Variants in TAF5L observed in about 807,000 individuals in gnomAD.
The protein encoded by TAF5L is TAF5-like RNA polymerase II p300/CBP-associated factor-associated factor 65 kDa subunit 5L.
Under a neutral mutation model 51.3 loss-of-function variants are expected in TAF5L, and 7 were observed. That is an observed-to-expected ratio of 0.14 (90% CI 0.08 to 0.26). The LOEUF (loss-of-function observed/expected upper bound fraction) is 0.26, where lower values mean the gene tolerates loss of function less well. Ranked by LOEUF, TAF5L falls within the 10% of genes least tolerant of loss-of-function variation. The pLI, the probability that TAF5L is intolerant of heterozygous loss-of-function variation, is 1.00. For missense variants in TAF5L, 575 were observed against 758.9 expected, an observed-to-expected ratio of 0.76 and a Z score of 2.85; for synonymous variants, 291 against 308.1, an observed-to-expected ratio of 0.94 and a Z score of 0.58.
In TAF5L at chr1:229,625,723, C is replaced by A; in HGVS notation, c.-4+162G>T. On this transcript the variant is annotated intron_variant, in intron 1 of 4. Coordinates refer to ENST00000258281, the Ensembl canonical transcript of TAF5L. This position sits in a 1 kb window ranked among gnomAD's most constrained non-coding sequence, Gnocchi z 4.0. Reference sequence around the variant, plus strand: ...GCCGTCGCGCCCGCGCAGAGCCGCCCGCCGCCCCCCAGCCCCGCCTCCCGC... The same window carrying A: ...GCCGTCGCGCCCGCGCAGAGCCGCCAGCCGCCCCCCAGCCCCGCCTCCCGC... Among the ~76,000 whole-genome samples, 2 of 145,010 alleles carry A rather than the reference C, an allele frequency of 1.4e-5. No homozygotes were observed. Among genetic ancestry groups the A allele is most frequent in the South Asian group, 2.1e-4 (1 of 4,738 alleles).
chr1:229,622,092 C>G (rs1365399732), intron 1 of TAF5L, among the ~76,000 whole-genome samples: 1 of 151,748 alleles, frequency 6.6e-6, no homozygotes, highest in African/African-American at 2.4e-5. Flanking sequence ...TATAGATATA[C>G]AGATATGTGT....
chr1:229,623,669 T>C (rs984082730), intron 1 of TAF5L, among the ~76,000 whole-genome samples: 4 of 152,250 alleles, frequency 2.6e-5, no homozygotes, highest in African/African-American at 9.6e-5. Context: ...TACTTAACAC[T>C]GAGCATACTC....
At chr1:229,626,039 G>T (rs1037131532) in exon 1 of TAF5L, 3 of 151,038 alleles carry the variant, frequency 2.0e-5, no homozygotes, top group Non-Finnish European at 3.0e-5. Context: ...CGCCGCTCTG[G>T]GCGGCCGCTC....
At position 229,594,280 on chromosome 1, in the gene TAF5L, C is replaced by T. The variant is rs764202969; in HGVS notation, c.*17G>A. The stretch of plus-strand genomic sequence containing the variant: ...CTTTCCACTGTTACCCCAGTCCGTT[C>T]CAACAAAGTTAAAAAATTAATGTTC... On this transcript the variant is annotated 3_prime_UTR_variant, in exon 5 of 5. Transcript: ENST00000258281. The surrounding 1 kb of genome is among the most constrained non-coding windows in gnomAD (Gnocchi z 7.9). 1.3e-6 allele frequency: 2 copies of T among 1,596,548 alleles called. No homozygotes were observed. The highest frequency in any genetic ancestry group is 1.7e-5 in the Admixed American group (1 of 59,208).
At chr1:229,600,100 T>C (rs769446795) in intron 4 of TAF5L, 1 of 981,278 alleles carries the variant, frequency 1.0e-6, no homozygotes, top group Non-Finnish European at 1.2e-6. Context: ...GTTTTAATTA[T>C]GCATTCTATA....
chr1:229,622,099 G>A (rs1048921289), intron 1 of TAF5L, among the ~76,000 whole-genome samples: 3 of 151,908 alleles, frequency 2.0e-5, no homozygotes, highest in African/African-American at 7.3e-5. Flanking sequence ...ATACAGATAT[G>A]TGTGTGTATA....
chr1:229,618,367 C>T (rs569418721), intron 1 of TAF5L, among the ~76,000 whole-genome samples: 1 of 152,268 alleles, frequency 6.6e-6, no homozygotes, highest in South Asian at 2.1e-4. Context: ...ATACTCTGCT[C>T]TTCATATCAC....
intron 3 of TAF5L, chr1:229,607,293 T>TC: frequency 2.0e-6 from 2 of 985,382 alleles, no homozygotes; most frequent in Non-Finnish European, 2.4e-6. Flanking sequence ...TGGTCCTTTC[T>TC]CACCTCATTT....
intron 4 of TAF5L, chr1:229,599,767 CAT>C (rs1017099602): frequency 1.4e-4 from 131 of 960,694 alleles, no homozygotes; most frequent in Admixed American, 1.1e-3. Context: ...CCTGTGTGCA[CAT>C]GTTTTCCATT....
chr1:229,618,422 C>T (rs550284766), intron 1 of TAF5L, among the ~76,000 whole-genome samples: 2 of 151,986 alleles, frequency 1.3e-5, no homozygotes, highest in South Asian at 2.1e-4. Flanking sequence ...AGGATTTTGA[C>T]ACAATGTATA....
Position 229,625,087 on chromosome 1 carries a change from G to A in TAF5L, c.-4+798C>T, listed in dbSNP as rs1665386316. On this transcript the variant is annotated intron_variant, in intron 1 of 4. Transcript: ENST00000258281. The surrounding 1 kb of genome is among the most constrained non-coding windows in gnomAD (Gnocchi z 4.0). Reference sequence around the variant, plus strand: ...GATCCCAGAACCACAAAGACTGCGAGATCCGCATTACAACGACTTTCACAA... The same window carrying A: ...GATCCCAGAACCACAAAGACTGCGAAATCCGCATTACAACGACTTTCACAA... 6.6e-6 allele frequency among the ~76,000 whole-genome samples: 1 copy of A among 152,222 alleles called. No homozygotes were observed. The highest frequency in any genetic ancestry group is 1.5e-5 in the Non-Finnish European group (1 of 68,044).
At chr1:229,616,065 A>AT (rs1403729723) in intron 1 of TAF5L, among the ~76,000 whole-genome samples, 3 of 152,056 alleles carry the variant, frequency 2.0e-5, no homozygotes, top group Non-Finnish European at 4.4e-5. Flanking sequence ...CCCAGACTGG[A>AT]GTGCAATGGC....
At chr1:229,617,989 G>A (rs1232781342) in intron 1 of TAF5L, among the ~76,000 whole-genome samples, 1 of 152,090 alleles carries the variant, frequency 6.6e-6, no homozygotes, top group Non-Finnish European at 1.5e-5. Flanking sequence ...AAATACTAGA[G>A]ACACGACCCA....
At chr1:229,612,922 ACTG>A (rs1435060313) in intron 2 of TAF5L, among the ~76,000 whole-genome samples, 2 of 152,206 alleles carry the variant, frequency 1.3e-5, no homozygotes, top group African/African-American at 4.8e-5. Flanking sequence ...TGCAGAAATC[ACTG>A]CTAACTCCAC....
intron 1 of TAF5L, among the ~76,000 whole-genome samples, chr1:229,623,513 T>C (rs1320994983): frequency 6.6e-6 from 1 of 152,128 alleles, no homozygotes; most frequent in Non-Finnish European, 1.5e-5. Context: ...TTTGGCTAAA[T>C]CCCACCCGCA....
Position 229,614,256 on chromosome 1 carries a change from A to G in TAF5L, c.142+85T>C, listed in dbSNP as rs1558152368. 1.9e-6 allele frequency: 3 copies of G among 1,611,754 alleles called. No individual in the cohort carries two copies. In the African/African-American group the frequency reaches 4.0e-5, roughly 21 times the overall value. On this transcript the variant is annotated intron_variant, in intron 2 of 4. Transcript: ENST00000258281. Reference sequence around the variant, plus strand: ...GTCTGCTCTCTCTGGCACTGTCTTGAGAAGAGGAGAAGTAATTCCACATGG... The same window carrying G: ...GTCTGCTCTCTCTGGCACTGTCTTGGGAAGAGGAGAAGTAATTCCACATGG...
At chr1:229,613,329 C>CAAAAAAAAAAA (rs567436350) in intron 2 of TAF5L, among the ~76,000 whole-genome samples, 1 of 84,592 alleles carries the variant, frequency 1.2e-5, no homozygotes, top group Non-Finnish European at 2.4e-5. Context: ...GACTCTGTCT[C>CAAAAAAAAAAA]AAAAAAAAAA....
Position 229,594,747 on chromosome 1 carries a change from G to A in TAF5L, c.1320C>T (p.Tyr440=). ...TCTTGTCGGTTGAGCCCGTGGCCAA[G>A]TAGTTTGAATTAGGGTGGAATTTGA... The change falls in exon 5 of 5, where the codon TAC becomes TAT. Residue 440 remains tyrosine (Y), a synonymous_variant. Transcript: ENST00000258281. This position sits in a 1 kb window ranked among gnomAD's most constrained non-coding sequence, Gnocchi z 7.9. 6.2e-7 allele frequency: 1 copy of A among 1,614,210 alleles called. No homozygotes were observed. The highest frequency in any genetic ancestry group is 1.1e-5 in the South Asian group (1 of 91,090).
rs1558146824 is a variant in TAF5L, at chr1:229,602,598, A to G, written c.569T>C (p.Val190Ala). 6.2e-7 allele frequency: 1 copy of G among 1,614,202 alleles called. No individual in the cohort carries two copies. Among genetic ancestry groups the G allele is most frequent in the Non-Finnish European group, 8.5e-7 (1 of 1,180,028 alleles). Residue 190 changes from valine to alanine, a missense_variant, in exon 4 of 5, where the codon GTC (valine) becomes GCC (alanine). Physicochemically the swap from Val to Ala is moderately conservative, Grantham distance 64. Transcript: ENST00000258281. The surrounding 1 kb of genome is among the most constrained non-coding windows in gnomAD (Gnocchi z 4.6). The stretch of plus-strand genomic sequence containing the variant: ...GTCAAGATGAATATGTAAGGTGAGG[A>G]CTTTGCACAGGGCAGTATTGTTGTC...
Sources: allele counts gnomAD v4.1 joint callset (sites outside exome capture counted in the v4.1 genomes callset), GRCh38; gene constraint gnomAD v4.1.1; non-coding constraint Gnocchi (gnomAD v3.1); transcripts MANE v1.5; gene names NCBI Gene and HGNC (gene_info 2026-07-23, HGNC 2026-07-21).